PPP1R9A: variants seen among roughly 807,000 people sequenced by gnomAD.
PPP1R9A encodes protein phosphatase 1 regulatory subunit 9A.
Under a neutral mutation model 141.9 loss-of-function variants are expected in PPP1R9A, and 59 were observed. The ratio of observed to expected loss-of-function variants is 0.42; its 90% CI spans 0.34 to 0.52. The LOEUF (loss-of-function observed/expected upper bound fraction) is 0.52, where lower values mean the gene tolerates loss of function less well. Among genes scored for constraint, PPP1R9A ranks in the 20% least tolerant of loss-of-function variants. PPP1R9A has a pLI of 0.10. For synonymous variants in PPP1R9A, 500 were observed against 569.7 expected (o/e 0.88, Z 1.74); for missense variants, 1,444 against 1,611.9 (o/e 0.90, Z 1.78).
intron 2 of PPP1R9A, among the ~76,000 whole-genome samples, chr7:94,938,032 G>T (rs1382983916): frequency 1.3e-5 from 2 of 152,118 alleles, no homozygotes; most frequent in Non-Finnish European, 2.9e-5. Context: ...TATATCAGTG[G>T]GGTACTCTGG....
rs544381454 is a variant in PPP1R9A at position 95,161,670 on chromosome 7, C to A, written c.1650-197C>A. Among the ~76,000 whole-genome samples the A allele has an allele frequency of 3.3e-5, 5 of 151,950 alleles. No individual in the cohort carries two copies. In the South Asian group the frequency reaches 1.0e-3, roughly 31 times the overall value. On this transcript the variant is annotated intron_variant, in intron 4 of 19. Coordinates refer to ENST00000433360, the MANE Select transcript of PPP1R9A (RefSeq NM_001166160.2). Reference sequence around the variant, plus strand: ...TTTATTTTTTCAAAATATTTTATATCCACAATTGGTTGAATCCACAAATGT... The same window carrying A: ...TTTATTTTTTCAAAATATTTTATATACACAATTGGTTGAATCCACAAATGT...
At chr7:95,226,773 A>G (rs1298601699) in intron 8 of PPP1R9A, among the ~76,000 whole-genome samples, 3 of 152,194 alleles carry the variant, frequency 2.0e-5, no homozygotes, top group African/African-American at 7.2e-5. Context: ...GCAGTCTCAG[A>G]GTTTGAAGAG....
intron 4 of PPP1R9A, among the ~76,000 whole-genome samples, chr7:95,141,406 G>A (rs1353439423): frequency 6.6e-6 from 1 of 152,086 alleles, no homozygotes; most frequent in Admixed American, 6.6e-5. Context: ...CAGTGGTTTT[G>A]TGAATATTCA....
intron 7 of PPP1R9A, among the ~76,000 whole-genome samples, chr7:95,218,024 G>A (rs923719206): frequency 2.6e-5 from 4 of 152,080 alleles, no homozygotes; most frequent in Admixed American, 2.6e-4. Flanking sequence ...TTTTGAATGT[G>A]TTTGCTCTTG....
chr7:95,128,546 C>A (rs991230439), intron 4 of PPP1R9A, among the ~76,000 whole-genome samples: 1 of 151,880 alleles, frequency 6.6e-6, no homozygotes, highest in East Asian at 1.9e-4. Flanking sequence ...TTTTTCTTTT[C>A]TTTTCTGTTT....
At chr7:95,260,570 T>A (rs955813651) in intron 12 of PPP1R9A, among the ~76,000 whole-genome samples, 33 of 151,492 alleles carry the variant, frequency 2.2e-4, no homozygotes, top group African/African-American at 7.3e-4. Context: ...TCCCAGCTAC[T>A]CGGGAGGCTG....
intron 2 of PPP1R9A, among the ~76,000 whole-genome samples, chr7:95,027,152 A>G (rs1317754054): frequency 1.3e-5 from 2 of 152,096 alleles, no homozygotes; most frequent in South Asian, 4.1e-4. Context: ...TCCTGCAGCT[A>G]GCTTGGTGTC....
At chr7:94,918,191 T>C (rs75840411) in intron 2 of PPP1R9A, among the ~76,000 whole-genome samples, 3,780 of 152,268 alleles carry the variant, frequency 0.025, 166 homozygotes, top group African/African-American at 0.086. Flanking sequence ...ATAGTTTTTC[T>C]TCTGGTCACT....
chr7:95,011,590 A>G (rs1009406462), intron 2 of PPP1R9A, among the ~76,000 whole-genome samples: 2 of 152,192 alleles, frequency 1.3e-5, no homozygotes, highest in African/African-American at 4.8e-5. Flanking sequence ...CACATTTACT[A>G]CTAATCAGGA....
At chr7:95,039,610 C>T (rs1584397641) in intron 2 of PPP1R9A, among the ~76,000 whole-genome samples, 1 of 148,046 alleles carries the variant, frequency 6.8e-6, no homozygotes, top group East Asian at 2.0e-4. Context: ...GACACTGTAA[C>T]AGAAATGAAG....
intron 2 of PPP1R9A, among the ~76,000 whole-genome samples, chr7:94,993,553 T>C (rs1237438220): frequency 6.6e-6 from 1 of 152,196 alleles, no homozygotes; most frequent in Non-Finnish European, 1.5e-5. Flanking sequence ...TATAGGTCTC[T>C]TTAATTTCTC....
At chr7:95,189,283 T>A (rs1024421650) in intron 5 of PPP1R9A, among the ~76,000 whole-genome samples, 3 of 152,102 alleles carry the variant, frequency 2.0e-5, no homozygotes, top group Non-Finnish European at 4.4e-5. Flanking sequence ...GGTGATGATC[T>A]TTTTGCTGGT....
chr7:95,118,819 A>C (rs12216594), intron 3 of PPP1R9A, among the ~76,000 whole-genome samples: 17,483 of 150,232 alleles, frequency 0.12, 1,151 homozygotes, highest in East Asian at 0.18. Context: ...AAAAAAAAAA[A>C]AAAAACACAA....
At chr7:95,072,772 TAA>T (rs1563196891) in intron 2 of PPP1R9A, among the ~76,000 whole-genome samples, 2 of 105,158 alleles carry the variant, frequency 1.9e-5, no homozygotes, top group Non-Finnish European at 1.8e-5. Flanking sequence ...ATATATATAT[TAA>T]ATATATATAT....
rs78619554 is a variant in PPP1R9A, at chr7:95,043,789, T to C, written c.1396-67470T>C. Among the ~76,000 whole-genome samples, 1,181 of 152,346 alleles carry C rather than the reference T, an allele frequency of 7.8e-3. 15 individuals carry two copies. Among genetic ancestry groups the C allele is most frequent in the African/African-American group, 0.027 (1,131 of 41,582 alleles). ...CTAGCTGGCAACATTTAGGGAATTCTAACATCAAATTCCTCTAACGATAAA... is the reference window on the plus strand; with the variant it reads ...CTAGCTGGCAACATTTAGGGAATTCCAACATCAAATTCCTCTAACGATAAA... On this transcript the variant is annotated intron_variant, in intron 2 of 19. Coordinates refer to ENST00000433360, the MANE Select transcript of PPP1R9A (RefSeq NM_001166160.2).
At chr7:95,053,221 A>C (rs10236744) in intron 2 of PPP1R9A, among the ~76,000 whole-genome samples, 10,135 of 152,260 alleles carry the variant, frequency 0.067, 424 homozygotes, top group African/African-American at 0.12. Flanking sequence ...AAAGAAAAGC[A>C]AATAAAGTGA....
intron 2 of PPP1R9A, among the ~76,000 whole-genome samples, chr7:94,976,840 A>C (rs1799505988): frequency 6.6e-6 from 1 of 152,090 alleles, no homozygotes; most frequent in Non-Finnish European, 1.5e-5. Flanking sequence ...GTCAGGCTCT[A>C]TTCTAGGTAT....
intron 2 of PPP1R9A, among the ~76,000 whole-genome samples, chr7:94,953,091 G>GT (rs1329034378): frequency 6.6e-6 from 1 of 152,100 alleles, no homozygotes; most frequent in African/African-American, 2.4e-5. Flanking sequence ...ATGGGTTTAG[G>GT]TCTTACATTT....
chr7:94,928,905 G>A (rs1793811291), intron 2 of PPP1R9A, among the ~76,000 whole-genome samples: 1 of 152,050 alleles, frequency 6.6e-6, no homozygotes, highest in Non-Finnish European at 1.5e-5. Context: ...TCAAGTTTTT[G>A]TCCCACTTTA....
Sources: gnomAD v4.1 joint callset for allele counts (sites outside exome capture counted in the v4.1 genomes callset) on GRCh38, gnomAD v4.1.1 for gene constraint, MANE v1.5 for transcripts, NCBI Gene and HGNC (gene_info 2026-07-23, HGNC 2026-07-21) for gene names.